The following KCTD16 variants were observed in gnomAD, a reference collection of about 807,000 sequenced individuals.
KCTD16 encodes potassium channel tetramerization domain containing 16, also known as BTB/POZ domain-containing protein KCTD16.
A neutral mutation model predicts 33.2 loss-of-function variants in KCTD16; 13 were observed. The observed-to-expected ratio is 0.39, with a 90% confidence interval of 0.25 to 0.62. KCTD16 has a LOEUF of 0.62. KCTD16 is among the 20% of genes least tolerant of loss of function. The probability of loss-of-function intolerance (pLI) is 0.50; values close to 1 mark genes in which losing one functional copy is unlikely to be tolerated. For synonymous variants in KCTD16, 197 were observed against 195.3 expected (o/e 1.01, Z -0.07); for missense variants, 441 against 525.1 (o/e 0.84, Z 1.57).
At chr5:144,247,124 C>G (rs1417607411) in intron 3 of KCTD16, among the ~76,000 whole-genome samples, 2 of 152,092 alleles carry the variant, frequency 1.3e-5, no homozygotes, top group Non-Finnish European at 2.9e-5. Context: ...AGCTCCCATC[C>G]CATACACTCT....
At chr5:144,353,574 G>A (rs1003177768) in intron 3 of KCTD16, among the ~76,000 whole-genome samples, 1 of 152,124 alleles carries the variant, frequency 6.6e-6, no homozygotes, top group African/African-American at 2.4e-5. Flanking sequence ...TGCTTAGGCA[G>A]TTCCTCACAT....
At chr5:144,430,092 G>C (rs1340597690) in intron 3 of KCTD16, among the ~76,000 whole-genome samples, 1 of 152,040 alleles carries the variant, frequency 6.6e-6, no homozygotes, top group Non-Finnish European at 1.5e-5. Context: ...GAATCTATAT[G>C]ATATCTTCAG....
chr5:144,443,381 G>C (rs539147427), intron 3 of KCTD16, among the ~76,000 whole-genome samples: 1 of 151,884 alleles, frequency 6.6e-6, no homozygotes, highest in Non-Finnish European at 1.5e-5. Flanking sequence ...CTTAACAGTT[G>C]TTTTTAATAA....
intron 3 of KCTD16, among the ~76,000 whole-genome samples, chr5:144,248,736 G>A (rs1329700424): frequency 3.9e-5 from 6 of 152,228 alleles, no homozygotes; most frequent in Non-Finnish European, 7.4e-5. Context: ...GATGTGTCAC[G>A]GATGACATTG....
intron 3 of KCTD16, among the ~76,000 whole-genome samples, chr5:144,245,068 A>G (rs1754511658): frequency 6.6e-6 from 1 of 152,192 alleles, no homozygotes; most frequent in Non-Finnish European, 1.5e-5. Flanking sequence ...TTTAAACTGT[A>G]TGTTTTGTTT....
intron 2 of KCTD16, among the ~76,000 whole-genome samples, chr5:144,184,184 T>C (rs1752680953): frequency 6.6e-6 from 1 of 151,418 alleles, no homozygotes; most frequent in African/African-American, 2.5e-5. Flanking sequence ...TGTATTCACA[T>C]TGTTGTGAAA....
At chr5:144,265,346 A>AC (rs1260819290) in intron 3 of KCTD16, among the ~76,000 whole-genome samples, 1 of 152,194 alleles carries the variant, frequency 6.6e-6, no homozygotes, top group Non-Finnish European at 1.5e-5. Flanking sequence ...TTCCACTGAC[A>AC]CTTTTATTTT....
intron 3 of KCTD16, among the ~76,000 whole-genome samples, chr5:144,442,730 C>T (rs572378901): frequency 1.3e-5 from 2 of 152,108 alleles, no homozygotes; most frequent in Admixed American, 6.6e-5. Context: ...ATCAAACTCT[C>T]CACTCTCTGT....
chr5:144,407,728 T>C (rs1292537592), intron 3 of KCTD16, among the ~76,000 whole-genome samples: 2 of 152,118 alleles, frequency 1.3e-5, no homozygotes, highest in Non-Finnish European at 2.9e-5. Flanking sequence ...TGGTGTGTGT[T>C]GTTTCCCTCC....
At chr5:144,441,183 G>T (rs1016754825) in intron 3 of KCTD16, among the ~76,000 whole-genome samples, 6 of 152,028 alleles carry the variant, frequency 3.9e-5, no homozygotes, top group African/African-American at 1.4e-4. Context: ...GATGTATGAT[G>T]TGTGAATATT....
At chr5:144,244,585 T>C (rs545921510) in intron 3 of KCTD16, among the ~76,000 whole-genome samples, 5 of 152,338 alleles carry the variant, frequency 3.3e-5, no homozygotes, top group African/African-American at 1.2e-4. Flanking sequence ...GTCAGGTCAA[T>C]GTGTGATCCA....
chr5:144,296,967 A>T (rs1238384978), intron 3 of KCTD16, among the ~76,000 whole-genome samples: 12 of 152,232 alleles, frequency 7.9e-5, no homozygotes. Flanking sequence ...AGAATATAAA[A>T]ATAATTGAAT....
chr5:144,439,447 G>T, intron 3 of KCTD16: 1 of 305,960 alleles, frequency 3.3e-6, no homozygotes, highest in Non-Finnish European at 6.3e-6. Flanking sequence ...CTATTCCAGT[G>T]CCCGCTACCC....
At chr5:144,341,400 T>C (rs186407911) in intron 3 of KCTD16, among the ~76,000 whole-genome samples, 57 of 152,234 alleles carry the variant, frequency 3.7e-4, no homozygotes, top group Non-Finnish European at 7.8e-4. Flanking sequence ...GATTAGGCAA[T>C]GGATCTAAAA....
chr5:144,257,357 T>A (rs1042335135), intron 3 of KCTD16, among the ~76,000 whole-genome samples: 1 of 152,186 alleles, frequency 6.6e-6, no homozygotes, highest in African/African-American at 2.4e-5. Context: ...GTGGGACCAA[T>A]CTAAGAGCTC....
intron 3 of KCTD16, among the ~76,000 whole-genome samples, chr5:144,273,732 T>TTA (rs1346883840): frequency 6.6e-6 from 1 of 151,110 alleles, no homozygotes; most frequent in Admixed American, 6.6e-5. Flanking sequence ...GTTGTCTTAA[T>TTA]TATAGAGACA....
At chr5:144,322,281 C>T (rs1022449222) in intron 3 of KCTD16, among the ~76,000 whole-genome samples, 1 of 152,148 alleles carries the variant, frequency 6.6e-6, no homozygotes, top group Non-Finnish European at 1.5e-5. Flanking sequence ...AGGGAACCAT[C>T]TTCACTGTCC....
At chr5:144,464,408 C>T (rs1178765502) in intron 3 of KCTD16, among the ~76,000 whole-genome samples, 1 of 151,778 alleles carries the variant, frequency 6.6e-6, no homozygotes, top group African/African-American at 2.4e-5. Flanking sequence ...TAGGGGACAG[C>T]TGGCAATATC....
At chr5:144,342,731 T>G (rs1233140685) in intron 3 of KCTD16, among the ~76,000 whole-genome samples, 1 of 152,182 alleles carries the variant, frequency 6.6e-6, no homozygotes, top group Non-Finnish European at 1.5e-5. Context: ...TAAATAGCTC[T>G]TATTAGTTTG....
Sources: allele counts gnomAD v4.1 joint callset (sites outside exome capture counted in the v4.1 genomes callset), GRCh38; gene constraint gnomAD v4.1.1; transcripts MANE v1.5; gene names NCBI Gene and HGNC (gene_info 2026-07-23, HGNC 2026-07-21).